The following SGMS1 variants were observed in gnomAD, a reference collection of about 807,000 sequenced individuals.
SGMS1 encodes the protein sphingomyelin synthase 1, also known as phosphatidylcholine:ceramide cholinephosphotransferase 1.
SGMS1 carries 13 observed loss-of-function variants against 46.2 expected under a neutral mutation model. That is an observed-to-expected ratio of 0.28 (90% confidence interval 0.18 to 0.45). SGMS1 has a LOEUF of 0.45. Among genes scored for constraint, SGMS1 ranks in the 20% least tolerant of loss-of-function variants. SGMS1 has a pLI of 1.00. For missense variants in SGMS1, 324 were observed against 519.9 expected, an observed-to-expected ratio of 0.62 and a Z score of 3.66; for synonymous variants, 203 against 187.8, an observed-to-expected ratio of 1.08 and a Z score of -0.66.
chr10:50,533,977 G>C (rs2983355), intron 2 of SGMS1, among the ~76,000 whole-genome samples: 6,826 of 152,210 alleles, frequency 0.045, 212 homozygotes, highest in Non-Finnish European at 0.068. Flanking sequence ...TTGAGCCCAG[G>C]AGTTCAAGTC....
intron 3 of SGMS1, among the ~76,000 whole-genome samples, chr10:50,508,014 A>G (rs146535232): frequency 6.6e-6 from 1 of 152,154 alleles, no homozygotes; most frequent in Non-Finnish European, 1.5e-5. Context: ...AATTCATGGG[A>G]TCTGCTAAAG....
chr10:50,579,834 G>A (rs763893461), intron 2 of SGMS1, among the ~76,000 whole-genome samples: 5 of 152,178 alleles, frequency 3.3e-5, no homozygotes, highest in Non-Finnish European at 5.9e-5. Context: ...TATAAGAAAT[G>A]CCCAGAAAGG....
At chr10:50,331,843 G>A (rs1243273452) in intron 7 of SGMS1, among the ~76,000 whole-genome samples, 2 of 152,158 alleles carry the variant, frequency 1.3e-5, no homozygotes, top group African/African-American at 2.4e-5. Context: ...TGAAATGTGA[G>A]GACACAGGGA....
chr10:50,413,002 T>C (rs1249195995), intron 6 of SGMS1, among the ~76,000 whole-genome samples: 2 of 152,208 alleles, frequency 1.3e-5, no homozygotes, highest in African/African-American at 4.8e-5. Flanking sequence ...TTTTTAATAT[T>C]TTAACTATTA....
intron 6 of SGMS1, among the ~76,000 whole-genome samples, chr10:50,380,167 G>A (rs376919803): frequency 6.6e-6 from 1 of 152,032 alleles, no homozygotes; most frequent in Non-Finnish European, 1.5e-5. Context: ...GATCACCTGA[G>A]GTCAGATGTT....
chr10:50,356,747 G>C (rs913022585), intron 6 of SGMS1, among the ~76,000 whole-genome samples: 5 of 151,938 alleles, frequency 3.3e-5, no homozygotes, highest in African/African-American at 1.2e-4. Context: ...AATAAAAAAT[G>C]ATGAGTTCAT....
chr10:50,614,950 A>G (rs1428109139), intron 1 of SGMS1, among the ~76,000 whole-genome samples: 3 of 152,264 alleles, frequency 2.0e-5, no homozygotes, highest in Non-Finnish European at 4.4e-5. Context: ...AGTGGCTGGC[A>G]TGCAGTTAGC....
At chr10:50,328,393 C>T (rs982990513) in intron 7 of SGMS1, among the ~76,000 whole-genome samples, 3 of 152,116 alleles carry the variant, frequency 2.0e-5, no homozygotes, top group Non-Finnish European at 4.4e-5. Context: ...AGGATCTTGG[C>T]CATTCAATCA....
chr10:50,507,713 T>TAAA (rs1291324667), intron 3 of SGMS1, among the ~76,000 whole-genome samples: 1 of 152,156 alleles, frequency 6.6e-6, no homozygotes, highest in African/African-American at 2.4e-5. Flanking sequence ...AATAGCCTGG[T>TAAA]ATAATAACAC....
chr10:50,324,544 C>T (rs948123180), intron 8 of SGMS1, among the ~76,000 whole-genome samples: 2 of 152,224 alleles, frequency 1.3e-5, no homozygotes, highest in Non-Finnish European at 1.5e-5. Context: ...TTCAGATACT[C>T]GTTCTCAGTG....
chr10:50,468,325 C>A (rs909506667), intron 3 of SGMS1, among the ~76,000 whole-genome samples: 1 of 152,056 alleles, frequency 6.6e-6, no homozygotes, highest in South Asian at 2.1e-4. Flanking sequence ...GAAAATGAAG[C>A]CTTATAATTA....
intron 2 of SGMS1, among the ~76,000 whole-genome samples, chr10:50,553,266 G>T (rs763325313): frequency 2.0e-5 from 3 of 152,054 alleles, no homozygotes; most frequent in South Asian, 2.1e-4. Flanking sequence ...TAACCCCTGG[G>T]GTTCAAATCC....
intron 1 of SGMS1, among the ~76,000 whole-genome samples, chr10:50,608,266 AG>A (rs1344645782): frequency 6.6e-6 from 1 of 152,248 alleles, no homozygotes; most frequent in Non-Finnish European, 1.5e-5. Context: ...TGATAACAGC[AG>A]TTATCTATGT....
intron 1 of SGMS1, among the ~76,000 whole-genome samples, chr10:50,618,791 A>C (rs1838821122): frequency 6.6e-6 from 1 of 152,242 alleles, no homozygotes; most frequent in Admixed American, 6.5e-5. Context: ...ACATACCCTT[A>C]GAGCAGCGGT....
At chr10:50,609,519 T>C (rs935195127) in intron 1 of SGMS1, among the ~76,000 whole-genome samples, 11 of 114,454 alleles carry the variant, frequency 9.6e-5, no homozygotes, top group Admixed American at 3.7e-4. Flanking sequence ...ACCTTCTCAA[T>C]AGTTTTTTTT....
At chr10:50,504,743 C>CA (rs1564419537) in intron 3 of SGMS1, among the ~76,000 whole-genome samples, 1 of 151,804 alleles carries the variant, frequency 6.6e-6, no homozygotes, top group African/African-American at 2.4e-5. Flanking sequence ...TTCTAAAAGT[C>CA]AAAAAGGTTT....
intron 1 of SGMS1, among the ~76,000 whole-genome samples, chr10:50,598,362 GC>G (rs1307201740): frequency 6.6e-6 from 1 of 152,108 alleles, no homozygotes; most frequent in Non-Finnish European, 1.5e-5. Flanking sequence ...GAAATAAATG[GC>G]TGTTGTTTAA....
intron 1 of SGMS1, among the ~76,000 whole-genome samples, chr10:50,618,655 A>C (rs1838820035): frequency 6.6e-6 from 1 of 152,194 alleles, no homozygotes; most frequent in Admixed American, 6.5e-5. Context: ...GAACGTGGGG[A>C]ATCAGGAACC....
intron 7 of SGMS1, among the ~76,000 whole-genome samples, chr10:50,337,059 G>A (rs189361210): frequency 2.1e-4 from 32 of 152,148 alleles, no homozygotes; most frequent in African/African-American, 7.2e-4. Context: ...CTTTATTGCT[G>A]GAGATAAATA....
Sources: gnomAD v4.1 joint callset for allele counts (sites outside exome capture counted in the v4.1 genomes callset) on GRCh38, gnomAD v4.1.1 for gene constraint, MANE v1.5 for transcripts, NCBI Gene and HGNC (gene_info 2026-07-23, HGNC 2026-07-21) for gene names.